NCOA1: variants seen among roughly 807,000 people sequenced by gnomAD.
The protein encoded by NCOA1 is nuclear receptor coactivator 1.
Under a neutral mutation model 150.9 loss-of-function variants are expected in NCOA1, and 35 were observed. That is an observed-to-expected ratio of 0.23 (90% CI 0.18 to 0.31). NCOA1 has a LOEUF of 0.31. NCOA1 is among the 10% of genes least tolerant of loss of function. The probability of loss-of-function intolerance (pLI) is 1.00; values close to 1 mark genes in which losing one functional copy is unlikely to be tolerated. For synonymous variants in NCOA1, 590 were observed against 630.0 expected (o/e 0.94, Z 0.95); for missense variants, 1,491 against 1,749.3 (o/e 0.85, Z 2.63).
chr2:24,632,577 C>G (rs982078585), intron 3 of NCOA1, among the ~76,000 whole-genome samples: 1 of 152,086 alleles, frequency 6.6e-6, no homozygotes, highest in South Asian at 2.1e-4. Flanking sequence ...TGCTCAGAAC[C>G]CCTGGCCCCC....
intron 14 of NCOA1, among the ~76,000 whole-genome samples, chr2:24,714,001 G>A (rs1673894556): frequency 6.6e-6 from 1 of 152,172 alleles, no homozygotes; most frequent in Non-Finnish European, 1.5e-5. Context: ...AGTTTGTGAA[G>A]GAAGAACAAC....
intron 4 of NCOA1, among the ~76,000 whole-genome samples, chr2:24,651,882 C>G (rs991025144): frequency 1.3e-5 from 2 of 152,018 alleles, no homozygotes; most frequent in Admixed American, 6.6e-5. Flanking sequence ...CAGGAAATAA[C>G]TCTTTATTTG....
Position 24,707,338 on chromosome 2 carries a change from A to C in NCOA1, c.1868A>C (p.Asp623Ala), listed in dbSNP as rs140428920. The change falls in exon 13 of 23, where the codon GAC becomes GCC. Residue 623 changes from aspartate (D) to alanine (A), a missense_variant. Asp to Ala is a moderately radical substitution (Grantham distance 126, BLOSUM62 -2). Transcript: ENST00000348332. ...AACAATGACAGACTTTCAGATGGAGACAGTAAATACTCTCAAACCAGTCAC... is the reference window on the plus strand; with the variant it reads ...AACAATGACAGACTTTCAGATGGAGCCAGTAAATACTCTCAAACCAGTCAC... Reference protein sequence around the residue: ...LHNNDRLSDGDSKYSQTSHKL... With the variant: ...LHNNDRLSDGASKYSQTSHKL... 1 of 1,614,112 alleles carries C rather than the reference A, an allele frequency of 6.2e-7. No individual in the cohort carries two copies. The highest frequency in any genetic ancestry group is 8.5e-7 in the Non-Finnish European group (1 of 1,180,046).
chr2:24,754,065 C>A (rs757445561), intron 20 of NCOA1, among the ~76,000 whole-genome samples: 3 of 152,306 alleles, frequency 2.0e-5, no homozygotes, highest in Non-Finnish European at 4.4e-5. Context: ...CATCCCACAT[C>A]CAACACATCA....
intron 3 of NCOA1, among the ~76,000 whole-genome samples, chr2:24,626,157 T>C (rs930627681): frequency 6.6e-6 from 1 of 152,220 alleles, no homozygotes; most frequent in Non-Finnish European, 1.5e-5. Context: ...ATTTAGTCAC[T>C]TTCCTCATGT....
At chr2:24,563,589 C>A (rs1666378858) in intron 1 of NCOA1, among the ~76,000 whole-genome samples, 2 of 151,952 alleles carry the variant, frequency 1.3e-5, no homozygotes, top group African/African-American at 4.8e-5. Context: ...ATGATCCTGG[C>A]TCACTGCAGT....
intron 3 of NCOA1, among the ~76,000 whole-genome samples, chr2:24,608,367 G>C (rs912765141): frequency 2.0e-5 from 3 of 150,290 alleles, no homozygotes; most frequent in Admixed American, 6.6e-5. Flanking sequence ...TGCAATCTCC[G>C]CCTCCTGGGT....
chr2:24,713,698 A>T (rs1673874212), intron 14 of NCOA1, among the ~76,000 whole-genome samples: 1 of 152,322 alleles, frequency 6.6e-6, no homozygotes, highest in South Asian at 2.1e-4. Context: ...CTGAGAAGGA[A>T]GCAAGTCAGG....
At chr2:24,497,183 C>G (rs1402775113) in intron 1 of NCOA1, among the ~76,000 whole-genome samples, 1 of 152,064 alleles carries the variant, frequency 6.6e-6, no homozygotes, top group Non-Finnish European at 1.5e-5. Context: ...TTCAAGCCTA[C>G]TGAGTGGAAA....
intron 1 of NCOA1, among the ~76,000 whole-genome samples, chr2:24,557,483 C>T (rs80090959): frequency 6.6e-6 from 1 of 151,692 alleles, no homozygotes; most frequent in Non-Finnish European, 1.5e-5. Context: ...GTCTTTGCTA[C>T]CCCCTCCCCC....
At chr2:24,531,726 G>A (rs938717971) in intron 1 of NCOA1, among the ~76,000 whole-genome samples, 2 of 152,128 alleles carry the variant, frequency 1.3e-5, no homozygotes, top group African/African-American at 4.8e-5. Context: ...CTGCCCATGT[G>A]ATAGTTTGCT....
rs911221278 is a variant in NCOA1 at position 24,752,082 on chromosome 2, G to A, written c.3807G>A (p.Gln1269=). 5 of 1,614,128 alleles carry A rather than the reference G, an allele frequency of 3.1e-6. No individual in the cohort carries two copies. The highest frequency in any genetic ancestry group is 2.2e-5 in the South Asian group (2 of 91,082). Reference sequence around the variant, plus strand: ...CTCCTCCTCAGAGTTCTCTTCTCCAGCAAACTCCACCTGCCTCCGGGTATC... The same window carrying A: ...CTCCTCCTCAGAGTTCTCTTCTCCAACAAACTCCACCTGCCTCCGGGTATC... ...PIPPPQSSLL[Q]QTPPASGYQS... is the part of the protein sequence containing the mutation. Residue 1269 remains glutamine, a synonymous_variant, in exon 20 of 23, where the codon CAG becomes CAA. Coordinates refer to ENST00000348332, the MANE Select transcript of NCOA1 (RefSeq NM_003743.5).
intron 4 of NCOA1, among the ~76,000 whole-genome samples, chr2:24,646,206 A>G (rs1389004230): frequency 1.3e-5 from 2 of 152,016 alleles, no homozygotes; most frequent in Non-Finnish European, 2.9e-5. Flanking sequence ...CTGCATGCCC[A>G]TTGCCCAGTT....
intron 1 of NCOA1, among the ~76,000 whole-genome samples, chr2:24,534,407 A>G (rs769386048): frequency 5.9e-5 from 8 of 135,244 alleles, no homozygotes; most frequent in Non-Finnish European, 1.3e-4. Context: ...TCCTGGATTC[A>G]TTGATTTTTT....
In NCOA1 at chr2:24,707,319, G is replaced by A. The variant is rs1480778421; in HGVS notation, c.1849G>A (p.Asp617Asn). ...PLDSGLLHNN[D>N]RLSDGDSKYS... ...GGATTCAGGGCTTCTGCATAACAAT[G>A]ACAGACTTTCAGATGGAGACAGTAA... Residue 617 changes from aspartate to asparagine, a missense_variant, in exon 13 of 23, where the codon GAC (aspartate) becomes AAC (asparagine). Physicochemically the swap from Asp to Asn is conservative, Grantham distance 23 (BLOSUM62 1). Around this residue, in one of 8 missense-constraint regions of NCOA1, gnomAD observed 703 missense variants for 717.7 expected, o/e 0.98. Transcript: ENST00000348332. The A allele has an allele frequency of 6.2e-7, 1 of 1,614,184 alleles. No individual in the cohort carries two copies. Among genetic ancestry groups the A allele is most frequent in the East Asian group, 2.2e-5 (1 of 44,892 alleles).
chr2:24,756,060 C>T (rs1244035631), intron 20 of NCOA1, among the ~76,000 whole-genome samples: 1 of 140,128 alleles, frequency 7.1e-6, no homozygotes, highest in East Asian at 2.1e-4. Context: ...ATGGCAAAAC[C>T]CCATCTCTAC....
intron 4 of NCOA1, among the ~76,000 whole-genome samples, chr2:24,645,369 G>A (rs1173762658): frequency 1.3e-5 from 2 of 151,520 alleles, no homozygotes; most frequent in East Asian, 1.9e-4. Flanking sequence ...CAGGCGTGGT[G>A]GTGGGCGCCT....
intron 1 of NCOA1, among the ~76,000 whole-genome samples, chr2:24,527,307 A>G (rs1387634300): frequency 6.6e-6 from 1 of 152,162 alleles, no homozygotes; most frequent in Admixed American, 6.5e-5. Flanking sequence ...TTTGACCAAC[A>G]TCATCCAGTT....
intron 1 of NCOA1, among the ~76,000 whole-genome samples, chr2:24,499,530 CTT>C (rs576933914): frequency 6.7e-6 from 1 of 148,926 alleles, no homozygotes; most frequent in African/African-American, 2.5e-5. Context: ...ATACCATTGA[CTT>C]TTTTTTTTAA....
Sources: gnomAD v4.1 joint callset for allele counts (sites outside exome capture counted in the v4.1 genomes callset) on GRCh38, gnomAD v4.1.1 for gene constraint, gnomAD v4.1.1 regional missense constraint, MANE v1.5 for transcripts, NCBI Gene and HGNC (gene_info 2026-07-23, HGNC 2026-07-21) for gene names.